RAB3GAP2: variants seen among roughly 807,000 people sequenced by gnomAD.
RAB3GAP2 encodes the protein RAB3 GTPase activating non-catalytic protein subunit 2, also known as rab3 GTPase-activating protein non-catalytic subunit.
In RAB3GAP2, 87 loss-of-function variants were observed where a neutral mutation model predicts 185.3. The observed-to-expected ratio is 0.47, with a 90% CI of 0.39 to 0.56. RAB3GAP2 has a LOEUF of 0.56. Among genes scored for constraint, RAB3GAP2 ranks in the 20% least tolerant of loss-of-function variants. The pLI, the probability that RAB3GAP2 is intolerant of heterozygous loss-of-function variation, is 0.00. For synonymous variants in RAB3GAP2, 554 were observed against 576.1 expected, an observed-to-expected ratio of 0.96 and a Z score of 0.55; for missense variants, 1,492 against 1,638.2, an observed-to-expected ratio of 0.91 and a Z score of 1.54.
At chr1:220,197,653 T>G (rs1658754647) in intron 9 of RAB3GAP2, among the ~76,000 whole-genome samples, 1 of 152,208 alleles carries the variant, frequency 6.6e-6, no homozygotes, top group Non-Finnish European at 1.5e-5. Context: ...AAGGGCAAAC[T>G]ATATGGCACA....
intron 13 of RAB3GAP2, among the ~76,000 whole-genome samples, chr1:220,191,662 C>CA (rs1366760435): frequency 3.3e-5 from 5 of 151,802 alleles, no homozygotes; most frequent in African/African-American, 9.7e-5. Context: ...CTACTAAATA[C>CA]AAAAAATTAG....
At chr1:220,203,148 T>G (rs182690877) in intron 8 of RAB3GAP2, among the ~76,000 whole-genome samples, 1 of 152,256 alleles carries the variant, frequency 6.6e-6, no homozygotes, top group Admixed American at 6.5e-5. Context: ...AGGCCAGACT[T>G]GATAGAAAGA....
chr1:220,171,783 T>C, intron 23 of RAB3GAP2, 106 bp downstream of exon 23: 1 of 1,270,652 alleles, frequency 7.9e-7, no homozygotes, highest in African/African-American at 1.5e-5. Context: ...GCACCTCTCA[T>C]CCCTCTCCCC....
At position 220,267,563 on chromosome 1, in the gene RAB3GAP2, C is replaced by T. The variant is rs1051113809; in HGVS notation, c.115+4660G>A. 7.3e-6 allele frequency: 10 copies of T among 1,378,816 alleles called. No homozygotes were observed. The African/African-American group carries it at 1.1e-4, about 16-fold the overall frequency. 85.4% of individuals were successfully genotyped at this position (1,378,816 alleles called of 1,614,324 possible). ...TGCCTCTTTTTGATTCTTCATTTTTCTGTTTTGATGCCAGTTCCTCCTCAG... is the reference window on the plus strand; with the variant it reads ...TGCCTCTTTTTGATTCTTCATTTTTTTGTTTTGATGCCAGTTCCTCCTCAG... On this transcript the variant is annotated intron_variant, in intron 1 of 34. Coordinates refer to ENST00000358951, the MANE Select transcript of RAB3GAP2 (RefSeq NM_012414.4).
rs1265488967 is a variant in RAB3GAP2 at position 220,150,048 on chromosome 1, T to G, written c.*1203A>C. ...TCTAAAAATATACCACAATAAATAC[T>G]TGGTATTTGTAGAGCTCAAAGCACT... On this transcript the variant is annotated 3_prime_UTR_variant, in exon 35 of 35. Coordinates refer to ENST00000358951, the MANE Select transcript of RAB3GAP2 (RefSeq NM_012414.4). 1.3e-5 allele frequency: 2 copies of G among 151,890 alleles called. No individual in the cohort carries two copies. Among genetic ancestry groups the G allele is most frequent in the African/African-American group, 2.4e-5 (1 of 41,368 alleles). 9.4% of individuals were successfully genotyped at this position (151,890 alleles called of 1,614,324 possible).
intron 24 of RAB3GAP2, among the ~76,000 whole-genome samples, chr1:220,168,294 G>A (rs998960844): frequency 3.3e-5 from 5 of 152,014 alleles, no homozygotes; most frequent in Admixed American, 3.3e-4. Flanking sequence ...GTTTCGCCAT[G>A]TTGGCGAGGC....
At chr1:220,249,511 C>G (rs987043318) in intron 1 of RAB3GAP2, among the ~76,000 whole-genome samples, 1 of 152,084 alleles carries the variant, frequency 6.6e-6, no homozygotes, top group Non-Finnish European at 1.5e-5. Context: ...AAATTTGTAG[C>G]CCGACAATAC....
intron 2 of RAB3GAP2, among the ~76,000 whole-genome samples, chr1:220,222,623 A>G (rs939750537): frequency 1.3e-5 from 2 of 152,194 alleles, no homozygotes; most frequent in African/African-American, 4.8e-5. Context: ...AGAGGAACTT[A>G]ACTCTAACTC....
At chr1:220,227,080 A>C (rs1659415857) in intron 2 of RAB3GAP2, among the ~76,000 whole-genome samples, 1 of 152,176 alleles carries the variant, frequency 6.6e-6, no homozygotes, top group South Asian at 2.1e-4. Context: ...GCGAAAAAAT[A>C]AGTTTTTGTT....
In RAB3GAP2 at chr1:220,172,815, C is replaced by T. The variant is rs979351089; in HGVS notation, c.2311-73G>A. 4 of 943,204 alleles carry T rather than the reference C, an allele frequency of 4.2e-6. No homozygotes were observed. The East Asian group carries it at 1.0e-4, about 24-fold the overall frequency. The allele number at this position is 943,204 out of a possible 1,614,324, so 58.4% of individuals were successfully genotyped here. On this transcript the variant is annotated intron_variant, in intron 21 of 34. Transcript: ENST00000358951. ...AGACAAAATCTTACACTTTCCTAGA[C>T]AGCAGATGCATGCATATGGATGATG... is the stretch of plus-strand genomic sequence containing the variant.
chr1:220,257,077 A>G (rs1303834557), intron 1 of RAB3GAP2, among the ~76,000 whole-genome samples: 2 of 152,200 alleles, frequency 1.3e-5, no homozygotes, highest in African/African-American at 4.8e-5. Flanking sequence ...AGAATTCAAG[A>G]TTAAGAAATT....
intron 7 of RAB3GAP2, chr1:220,208,256 T>A (rs914571073): frequency 6.6e-6 from 1 of 152,218 alleles, no homozygotes; most frequent in Non-Finnish European, 1.5e-5. Context: ...ATGAAAAACA[T>A]CTCTGGAAAG....
intron 19 of RAB3GAP2, 105 bp from the exon 20 acceptor site, chr1:220,183,036 A>T (rs1658441169): frequency 1.1e-5 from 9 of 837,636 alleles, no homozygotes; most frequent in Non-Finnish European, 1.6e-5. Context: ...TAATTAATAT[A>T]ATACCTATCA....
At chr1:220,184,844 A>T (rs2102866421) in intron 18 of RAB3GAP2, among the ~76,000 whole-genome samples, 2 of 152,174 alleles carry the variant, frequency 1.3e-5, no homozygotes, top group Middle Eastern at 6.8e-3. Flanking sequence ...ATTTCTGACA[A>T]GTGGTGTATG....
In RAB3GAP2 at chr1:220,196,261, A is replaced by G; in HGVS notation, c.949T>C (p.Tyr317His). ...VGSNPFTGFF[Y>H]ALEGSTQPLL... Reference sequence around the variant, plus strand: ...GATAAAACTCATACCTCTAAAGCATAGAAGAAGCCAGTAAATGGATTGGAC... The same window carrying G: ...GATAAAACTCATACCTCTAAAGCATGGAAGAAGCCAGTAAATGGATTGGAC... The change falls in exon 10 of 35, where the codon TAT (tyrosine) becomes CAT (histidine). Residue 317 changes from tyrosine to histidine, a missense_variant. Physicochemically the swap from Tyr to His is moderately conservative, Grantham distance 83. Transcript: ENST00000358951. 1 of 1,613,408 alleles carries G rather than the reference A, an allele frequency of 6.2e-7. No homozygotes were observed. Among genetic ancestry groups the G allele is most frequent in the Non-Finnish European group, 8.5e-7 (1 of 1,179,384 alleles).
chr1:220,208,144 TGTTA>T (rs1267056409), intron 7 of RAB3GAP2: 3 of 152,332 alleles, frequency 2.0e-5, no homozygotes, highest in South Asian at 2.1e-4. Context: ...AATATTTAAA[TGTTA>T]GTTATATTTT....
rs752461001 is a variant in RAB3GAP2 at position 220,172,686 on chromosome 1, C to T, written c.2367G>A (p.Gln789=). Residue 789 remains glutamine (Q), a synonymous_variant, in exon 22 of 35, where the codon CAG becomes CAA. Coordinates refer to ENST00000358951, the MANE Select transcript of RAB3GAP2 (RefSeq NM_012414.4). ...GCATGGTATGAAGACAGCAGATTGA[C>T]TGTGGTTTATCCAAAATATCCTTTT... The part of the protein sequence containing the change: ...SKEKDILDKP[Q]SICCLHTMLS... 17 of 1,613,482 alleles carry T rather than the reference C, an allele frequency of 1.1e-5. No individual in the cohort carries two copies. The highest frequency in any genetic ancestry group is 1.7e-4 in the Middle Eastern group (1 of 6,060).
intron 1 of RAB3GAP2, chr1:220,253,886 T>A: frequency 6.2e-7 from 1 of 1,613,402 alleles, no homozygotes; most frequent in East Asian, 2.2e-5. Flanking sequence ...CAGAAAAATG[T>A]TGAAGTGAAA....
intron 2 of RAB3GAP2, among the ~76,000 whole-genome samples, chr1:220,214,331 G>A (rs934822155): frequency 3.9e-5 from 6 of 152,158 alleles, no homozygotes; most frequent in Non-Finnish European, 8.8e-5. Flanking sequence ...TTTGAGGCCA[G>A]CCTGGCCCAC....
Sources: allele counts gnomAD v4.1 joint callset (sites outside exome capture counted in the v4.1 genomes callset), GRCh38; gene constraint gnomAD v4.1.1; transcripts MANE v1.5; gene names NCBI Gene and HGNC (gene_info 2026-07-23, HGNC 2026-07-21).